Variants in TMEM62 observed in about 807,000 individuals in gnomAD.
TMEM62 encodes transmembrane protein 62.
Under a neutral mutation model 70.4 loss-of-function variants are expected in TMEM62, and 41 were observed. The ratio of observed to expected loss-of-function variants is 0.58; its 90% confidence interval spans 0.45 to 0.76. The LOEUF (loss-of-function observed/expected upper bound fraction) is 0.76. TMEM62 is among the 30% of genes least tolerant of loss of function. The pLI, the probability that TMEM62 is intolerant of heterozygous loss-of-function variation, is 0.00. For missense variants in TMEM62, 688 were observed against 788.5 expected (o/e 0.87, Z 1.53); for synonymous variants, 268 against 291.0 (o/e 0.92, Z 0.80).
At chr15:43,169,365 G>C (rs1342214849) in intron 10 of TMEM62, among the ~76,000 whole-genome samples, 1 of 152,192 alleles carries the variant, frequency 6.6e-6, no homozygotes, top group Non-Finnish European at 1.5e-5. Flanking sequence ...TTAGGAGCCA[G>C]AGACAAAATC....
chr15:43,147,764 T>TA (rs2036856325), intron 5 of TMEM62, among the ~76,000 whole-genome samples: 1 of 152,228 alleles, frequency 6.6e-6, no homozygotes. Flanking sequence ...CATTCCTTAG[T>TA]ATAGTGTTTT....
rs769466030 is a variant in TMEM62, at chr15:43,148,867, G to A, written c.731G>A (p.Arg244Gln). The A allele has an allele frequency of 1.4e-5, 23 of 1,612,706 alleles. No homozygotes were observed. The highest frequency in any genetic ancestry group is 2.7e-5 in the African/African-American group (2 of 74,952). ...STILSPSPGI[R>Q]SIMSSAIAYL... ...ATTCTTTCTCCATCACCAGGAATCC[G>A]GTCAATAATGAGGTGAGACAAGCTT... The change falls in exon 6 of 14, where the codon CGG (arginine) becomes CAG (glutamine). Residue 244 changes from arginine (R) to glutamine (Q), a missense_variant. Transcript: ENST00000260403.
chr15:43,162,444 T>TTTTTTTTTTTTTTTTTTTTTTG (rs2038854242), intron 10 of TMEM62, among the ~76,000 whole-genome samples: 1 of 147,372 alleles, frequency 6.8e-6, no homozygotes, highest in African/African-American at 2.5e-5. Flanking sequence ...TTTTTTTTTT[T>TTTTTTTTTTTTTTTTTTTTTTG]TTGTTGAGCT....
At chr15:43,164,638 G>A (rs763081086) in intron 10 of TMEM62, among the ~76,000 whole-genome samples, 38 of 151,980 alleles carry the variant, frequency 2.5e-4, no homozygotes, top group Non-Finnish European at 4.7e-4. Flanking sequence ...GGAATTACAG[G>A]CGTGAATCAC....
chr15:43,167,413 G>A (rs995496779), intron 10 of TMEM62, among the ~76,000 whole-genome samples: 14 of 150,994 alleles, frequency 9.3e-5, no homozygotes, highest in East Asian at 5.9e-4. Context: ...CAGACGGGGC[G>A]GTTGCCAGGC....
In TMEM62 at chr15:43,184,858, A is replaced by G; in HGVS notation, c.*272A>G. 2.0e-6 allele frequency: 1 copy of G among 490,370 alleles called. No individual in the cohort carries two copies. The allele number at this position is 490,370 out of a possible 1,614,324, so 30.4% of individuals were successfully genotyped here. ...CTTTGTGAAGAGAAAACCCTTATCTAGGACATCCACAGGGTAGAGGTTGGG... is the reference window on the plus strand; with the variant it reads ...CTTTGTGAAGAGAAAACCCTTATCTGGGACATCCACAGGGTAGAGGTTGGG... On this transcript the variant is annotated 3_prime_UTR_variant, in exon 14 of 14. Coordinates refer to ENST00000260403, the MANE Select transcript of TMEM62 (RefSeq NM_024956.4).
chr15:43,135,706 C>T (rs746301019), intron 3 of TMEM62, 57 bp downstream of exon 3: 188 of 1,505,294 alleles, frequency 1.2e-4, no homozygotes, highest in Non-Finnish European at 1.5e-4. Context: ...CCTTCAGGAA[C>T]CTAGATTTTC....
intron 10 of TMEM62, among the ~76,000 whole-genome samples, chr15:43,162,127 C>A (rs2038777900): frequency 6.6e-6 from 1 of 151,482 alleles, no homozygotes; most frequent in South Asian, 2.1e-4. Context: ...ATAGATATGC[C>A]TTAATTTTTA....
At chr15:43,165,471 C>T (rs1182215048) in intron 10 of TMEM62, among the ~76,000 whole-genome samples, 3 of 152,198 alleles carry the variant, frequency 2.0e-5, no homozygotes, top group East Asian at 1.9e-4. Flanking sequence ...CGGTGGCTCA[C>T]GCCTGTAATC....
intron 9 of TMEM62, among the ~76,000 whole-genome samples, chr15:43,157,351 G>A (rs2038165060): frequency 6.6e-6 from 1 of 152,104 alleles, no homozygotes; most frequent in African/African-American, 2.4e-5. Flanking sequence ...TAAAGTATGA[G>A]TATCTGTAGT....
In TMEM62 at chr15:43,134,340, C is replaced by A; in HGVS notation, c.264C>A (p.Ile88=). Residue 88 remains isoleucine (I), a synonymous_variant, in exon 2 of 14, where the codon ATC becomes ATA. Transcript: ENST00000260403. ...LEKFCSETID[I]IQPALVLATG... ...AATTCTGTTCTGAAACTATTGACAT[C>A]ATTCAACCAGCTCTCGTCCTAGCAA... The A allele has an allele frequency of 6.2e-7, 1 of 1,614,062 alleles. No individual in the cohort carries two copies. Among genetic ancestry groups the A allele is most frequent in the South Asian group, 1.1e-5 (1 of 91,076 alleles).
At chr15:43,153,220 T>G (rs2037618139) in intron 8 of TMEM62, among the ~76,000 whole-genome samples, 1 of 152,190 alleles carries the variant, frequency 6.6e-6, no homozygotes, top group Admixed American at 6.5e-5. Flanking sequence ...AATCCCTTTT[T>G]TTTTGGAGCT....
chr15:43,153,968 C>CA (rs1357530654), intron 8 of TMEM62, among the ~76,000 whole-genome samples: 1 of 152,162 alleles, frequency 6.6e-6, no homozygotes, highest in Non-Finnish European at 1.5e-5. Context: ...AGCAGTGTAT[C>CA]AGGTATCCAA....
In TMEM62 at chr15:43,184,579, G is replaced by C; in HGVS notation, c.1925G>C (p.Ser642Thr). The change falls in exon 14 of 14, where the codon AGC becomes ACC. Residue 642 changes from serine to threonine, a missense_variant. Ser to Thr is a moderately conservative substitution (Grantham distance 58). Coordinates refer to ENST00000260403, the MANE Select transcript of TMEM62 (RefSeq NM_024956.4). ...ATGGTGCAGTTAAAAAGCCACCTGA[G>C]CTCCTGAAGGCCATGTCTCACCACT... ...IFMVQLKSHL[S>T]S 6.2e-7 allele frequency: 1 copy of C among 1,608,672 alleles called. No homozygotes were observed. Among genetic ancestry groups the C allele is most frequent in the Non-Finnish European group, 8.5e-7 (1 of 1,179,720 alleles).
intron 9 of TMEM62, among the ~76,000 whole-genome samples, chr15:43,157,249 A>C (rs1373689269): frequency 6.6e-6 from 1 of 152,156 alleles, no homozygotes; most frequent in Non-Finnish European, 1.5e-5. Flanking sequence ...GGAAATTCTC[A>C]GGTCCCATCT....
At chr15:43,180,905 T>C (rs1443679333) in intron 12 of TMEM62, 4 of 259,296 alleles carry the variant, frequency 1.5e-5, no homozygotes, top group Non-Finnish European at 2.9e-5. Flanking sequence ...TTTTCAAAAA[T>C]GTGAGTGTGC....
intron 10 of TMEM62, among the ~76,000 whole-genome samples, chr15:43,161,108 T>C (rs2038649133): frequency 6.6e-6 from 1 of 152,216 alleles, no homozygotes; most frequent in South Asian, 2.1e-4. Context: ...GGTTCGGTAC[T>C]ATCTGTGTTT....
intron 10 of TMEM62, among the ~76,000 whole-genome samples, chr15:43,167,937 C>T (rs1379200396): frequency 6.6e-6 from 1 of 152,130 alleles, no homozygotes; most frequent in Non-Finnish European, 1.5e-5. Context: ...GCCCGGCCAA[C>T]ACAGCGAAAC....
At chr15:43,165,799 G>A (rs374585604) in intron 10 of TMEM62, among the ~76,000 whole-genome samples, 10 of 152,058 alleles carry the variant, frequency 6.6e-5, no homozygotes, top group East Asian at 5.8e-4. Flanking sequence ...TTCTGTGATA[G>A]GAATTTGAAT....
Sources: gnomAD v4.1 joint callset for allele counts (sites outside exome capture counted in the v4.1 genomes callset) on GRCh38, gnomAD v4.1.1 for gene constraint, MANE v1.5 for transcripts, NCBI Gene and HGNC (gene_info 2026-07-23, HGNC 2026-07-21) for gene names.